SLC35F3: variants seen among roughly 807,000 people sequenced by gnomAD.
SLC35F3 encodes the protein putative thiamine transporter SLC35F3.
A neutral mutation model predicts 49.9 loss-of-function variants in SLC35F3; 25 were observed. That is an observed-to-expected ratio of 0.50 (90% CI 0.37 to 0.70). The LOEUF is 0.70. SLC35F3 is among the 30% of genes least tolerant of loss of function. The pLI is 0.00. For missense variants in SLC35F3, 525 were observed against 639.8 expected (o/e 0.82, Z 1.94); for synonymous variants, 275 against 265.4 (o/e 1.04, Z -0.35).
chr1:234,311,954 G>A (rs1253155154), intron 4 of SLC35F3, among the ~76,000 whole-genome samples: 1 of 152,224 alleles, frequency 6.6e-6, no homozygotes, highest in Non-Finnish European at 1.5e-5. Context: ...TTAGAAAACA[G>A]TTGTGAGAAT....
chr1:234,200,660 G>A (rs1198852593), intron 2 of SLC35F3, among the ~76,000 whole-genome samples: 1 of 152,054 alleles, frequency 6.6e-6, no homozygotes, highest in Non-Finnish European at 1.5e-5. Flanking sequence ...TTCCCAAAAG[G>A]AGTCATTTCA....
At chr1:234,084,343 A>G (rs1283808083) in intron 2 of SLC35F3, among the ~76,000 whole-genome samples, 1 of 152,046 alleles carries the variant, frequency 6.6e-6, no homozygotes, top group Non-Finnish European at 1.5e-5. Flanking sequence ...TCTACCTGTG[A>G]ATCCCATTCA....
At chr1:234,179,904 G>T (rs1006873475) in intron 2 of SLC35F3, among the ~76,000 whole-genome samples, 1 of 152,188 alleles carries the variant, frequency 6.6e-6, no homozygotes, top group Admixed American at 6.5e-5. Context: ...AAGAAAAAAG[G>T]TAAAAAGCCT....
At chr1:234,087,604 A>G (rs1430084908) in intron 2 of SLC35F3, among the ~76,000 whole-genome samples, 2 of 152,202 alleles carry the variant, frequency 1.3e-5, no homozygotes, top group African/African-American at 2.4e-5. Context: ...TGCTTTCTTC[A>G]TTCCATTCAT....
intron 2 of SLC35F3, among the ~76,000 whole-genome samples, chr1:234,000,088 A>G (rs1663528060): frequency 6.6e-6 from 1 of 152,202 alleles, no homozygotes. Flanking sequence ...TCGCTGTGTA[A>G]CGAGGATATT....
At chr1:233,965,503 A>G (rs1231341076) in intron 2 of SLC35F3, among the ~76,000 whole-genome samples, 1 of 151,746 alleles carries the variant, frequency 6.6e-6, no homozygotes, top group African/African-American at 2.4e-5. Flanking sequence ...AACATGAGAG[A>G]CTCTCCTTGC....
At chr1:234,086,244 T>G (rs890883205) in intron 2 of SLC35F3, among the ~76,000 whole-genome samples, 6 of 152,220 alleles carry the variant, frequency 3.9e-5, no homozygotes, top group Non-Finnish European at 5.9e-5. Context: ...AGAACTGTGT[T>G]TGAAAACAAC....
At chr1:234,003,134 G>T (rs1229389877) in intron 2 of SLC35F3, among the ~76,000 whole-genome samples, 2 of 147,582 alleles carry the variant, frequency 1.4e-5, no homozygotes, top group African/African-American at 2.4e-5. Context: ...TTTCGTTGAA[G>T]AGTGGTGTTG....
intron 3 of SLC35F3, among the ~76,000 whole-genome samples, chr1:234,263,834 G>A (rs1371047842): frequency 6.6e-6 from 1 of 152,190 alleles, no homozygotes; most frequent in African/African-American, 2.4e-5. Context: ...TGCTGGCCCA[G>A]CATGGTGGCT....
intron 2 of SLC35F3, among the ~76,000 whole-genome samples, chr1:234,147,538 G>A (rs181280636): frequency 1.6e-4 from 25 of 152,196 alleles, no homozygotes; most frequent in African/African-American, 5.8e-4. Flanking sequence ...TTTATAGCAT[G>A]TGTACTCCTC....
chr1:234,082,759 G>C (rs1187465195), intron 2 of SLC35F3, among the ~76,000 whole-genome samples: 1 of 152,144 alleles, frequency 6.6e-6, no homozygotes, highest in Non-Finnish European at 1.5e-5. Context: ...CCAAGCGAAA[G>C]GCAAAACCCT....
intron 3 of SLC35F3, among the ~76,000 whole-genome samples, chr1:234,247,417 TG>T (rs1290797449): frequency 6.6e-6 from 1 of 151,060 alleles, no homozygotes; most frequent in Non-Finnish European, 1.5e-5. Context: ...GTCCATTGTT[TG>T]GTGGGTTGGT....
chr1:234,099,620 A>AC (rs1553304985), intron 2 of SLC35F3, among the ~76,000 whole-genome samples: 8 of 150,362 alleles, frequency 5.3e-5, no homozygotes, highest in Admixed American at 4.6e-4. Context: ...AAAAAAAAAA[A>AC]AAAAAAACAA....
At position 233,905,154 on chromosome 1, in the gene SLC35F3, TG is replaced by T. The variant is rs1320629043; in HGVS notation, c.53+25del. The T allele has an allele frequency of 1.5e-5, 24 of 1,550,238 alleles. 1 individual carries two copies. Among genetic ancestry groups the T allele is most frequent in the African/African-American group, 2.7e-5 (2 of 72,952 alleles). On this transcript the variant is annotated intron_variant, in intron 1 of 7. Transcript: ENST00000366618. The stretch of plus-strand genomic sequence containing the variant: ...GTGTGAGTAGCGCCCCGGGCGTGGG[TG>T]AGCGAGCCGGCGGGCGGGAGGCCGG...
intron 2 of SLC35F3, among the ~76,000 whole-genome samples, chr1:233,941,426 T>C (rs1224485860): frequency 1.3e-5 from 2 of 152,224 alleles, no homozygotes; most frequent in Admixed American, 6.5e-5. Flanking sequence ...ACTGATTTCA[T>C]GTGAATCTCT....
intron 2 of SLC35F3, among the ~76,000 whole-genome samples, chr1:234,100,439 A>C (rs1665197782): frequency 6.6e-6 from 1 of 152,236 alleles, no homozygotes; most frequent in Non-Finnish European, 1.5e-5. Context: ...AACTCGCTAA[A>C]AAGGCAGAGA....
At position 234,058,921 on chromosome 1, in the gene SLC35F3, A is replaced by G. The variant is rs181257584; in HGVS notation, c.283+153163A>G. ...TTCAGTAGTTTGTGTCTTTCTGGCA[A>G]TTTGTCCATTTCATCTAAGTTATCT... On this transcript the variant is annotated intron_variant, in intron 2 of 7. Coordinates refer to ENST00000366618, the MANE Select transcript of SLC35F3 (RefSeq NM_173508.4). Among the ~76,000 whole-genome samples, 313 of 152,168 alleles carry G rather than the reference A, an allele frequency of 2.1e-3. 1 individual carries two copies. The highest frequency in any genetic ancestry group is 3.2e-3 in the Non-Finnish European group (217 of 67,988).
intron 2 of SLC35F3, among the ~76,000 whole-genome samples, chr1:233,908,920 A>G (rs1661823079): frequency 6.6e-6 from 1 of 151,914 alleles, no homozygotes; most frequent in Admixed American, 6.6e-5. Context: ...CAGTGGCACA[A>G]TCTCAGCTCA....
chr1:233,990,872 G>A (rs1217313669), intron 2 of SLC35F3, among the ~76,000 whole-genome samples: 1 of 152,174 alleles, frequency 6.6e-6, no homozygotes, highest in Non-Finnish European at 1.5e-5. Context: ...ATTGGCATCT[G>A]TTGTAAAGGT....
Sources: allele counts gnomAD v4.1 joint callset (sites outside exome capture counted in the v4.1 genomes callset), GRCh38; gene constraint gnomAD v4.1.1; transcripts MANE v1.5; gene names NCBI Gene and HGNC (gene_info 2026-07-23, HGNC 2026-07-21).